The following STARD3 variants were observed in gnomAD, a reference collection of about 807,000 sequenced individuals.
STARD3 encodes the protein StAR related lipid transfer domain containing 3.
In STARD3, 39 loss-of-function variants were observed where a neutral mutation model predicts 62.0. That is an observed-to-expected ratio of 0.63 (90% CI 0.49 to 0.82). The LOEUF (loss-of-function observed/expected upper bound fraction) is 0.82. Among genes scored for constraint, STARD3 ranks in the 40% least tolerant of loss-of-function variants. The pLI, the probability that STARD3 is intolerant of heterozygous loss-of-function variation, is 0.00. For missense variants in STARD3, 543 were observed against 584.5 expected (o/e 0.93, Z 0.73); for synonymous variants, 229 against 242.4 (o/e 0.94, Z 0.51).
rs748542443 is a variant in STARD3 at position 39,662,849 on chromosome 17, A to T, written c.1279A>T (p.Met427Leu). The T allele has an allele frequency of 6.2e-7, 1 of 1,612,330 alleles. No homozygotes were observed. The highest frequency in any genetic ancestry group is 1.3e-5 in the African/African-American group (1 of 74,916). The stretch of plus-strand genomic sequence containing the variant: ...CATCCACCAGAGCCTCGCGGCCACC[A>T]TGTTTGAATTTGCCTTTCACCTGCG... ...YLIHQSLAAT[M>L]FEFAFHLRQR... The change falls in exon 15 of 15, where the codon ATG (methionine) becomes TTG (leucine). Residue 427 changes from methionine to leucine, a missense_variant. Transcript: ENST00000336308.
chr17:39,648,052 G>A (rs2057042888), intron 1 of STARD3, among the ~76,000 whole-genome samples: 1 of 152,198 alleles, frequency 6.6e-6, no homozygotes, highest in South Asian at 2.1e-4. Context: ...TTGGGAGGCT[G>A]AGGCGGGCGG....
chr17:39,649,865 CAAAA>C (rs10713558), intron 1 of STARD3, among the ~76,000 whole-genome samples: 3 of 84,998 alleles, frequency 3.5e-5, no homozygotes, highest in African/African-American at 9.7e-5. Context: ...GACTCCGTCT[CAAAA>C]AAAAAAAAAA....
At chr17:39,645,188 C>T (rs1453767832) in intron 1 of STARD3, among the ~76,000 whole-genome samples, 1 of 152,126 alleles carries the variant, frequency 6.6e-6, no homozygotes, top group Non-Finnish European at 1.5e-5. Flanking sequence ...GAGATCAGCC[C>T]CTGCACTCCC....
chr17:39,648,535 G>A (rs2144941475), intron 1 of STARD3, among the ~76,000 whole-genome samples: 1 of 152,256 alleles, frequency 6.6e-6, no homozygotes, highest in South Asian at 2.1e-4. Flanking sequence ...GAGGCTTGGT[G>A]AGAAGGACTT....
intron 6 of STARD3, 59 bp from the exon 7 acceptor site, chr17:39,658,663 G>T: frequency 6.3e-7 from 1 of 1,595,550 alleles, no homozygotes; most frequent in Non-Finnish European, 8.6e-7. Context: ...TTGGGTGGGG[G>T]TACCCCAGGC....
At chr17:39,641,275 G>A (rs2056980755) in intron 1 of STARD3, among the ~76,000 whole-genome samples, 1 of 152,148 alleles carries the variant, frequency 6.6e-6, no homozygotes, top group African/African-American at 2.4e-5. Context: ...TGGACCTCAA[G>A]GGCTTAGGAC....
At position 39,653,763 on chromosome 17, in the gene STARD3, G is replaced by A. The variant is rs767069133; in HGVS notation, c.219+13G>A. 2.2e-5 allele frequency: 36 copies of A among 1,613,718 alleles called. No homozygotes were observed. Among genetic ancestry groups the A allele is most frequent in the Non-Finnish European group, 2.4e-5 (28 of 1,179,930 alleles). On this transcript the variant is annotated intron_variant, in intron 2 of 14. Transcript: ENST00000336308. Reference sequence around the variant, plus strand: ...CATCGAACTGAATGTGAGTGGGGGCGAGGTGGGGGCACAGGCCATGTTGCA... The same window carrying A: ...CATCGAACTGAATGTGAGTGGGGGCAAGGTGGGGGCACAGGCCATGTTGCA...
intron 2 of STARD3, among the ~76,000 whole-genome samples, chr17:39,656,159 GC>G (rs147747633): frequency 2.6e-5 from 4 of 152,060 alleles, no homozygotes; most frequent in Non-Finnish European, 5.9e-5. Flanking sequence ...TCTTTAACAA[GC>G]CCCCCCAGAT....
At chr17:39,661,129 C>A in intron 13 of STARD3, 44 bp downstream of exon 13, 1 of 1,582,620 alleles carries the variant, frequency 6.3e-7, no homozygotes, top group Non-Finnish European at 8.7e-7. Context: ...AGCCCCTCCC[C>A]TGGGAGCATT....
rs1207448443 is a variant in STARD3, at chr17:39,660,725, A to G, written c.955-85A>G. ...CCCAGGGCCTGCCTGTGGCAATAGC[A>G]GTTAGTAAAGGGGCCTGGGGTGTTC... On this transcript the variant is annotated intron_variant, in intron 11 of 14. Coordinates refer to ENST00000336308, the MANE Select transcript of STARD3 (RefSeq NM_006804.4). The surrounding 1 kb of genome is among the most constrained non-coding windows in gnomAD (Gnocchi z 4.8). The G allele has an allele frequency of 6.8e-7, 1 of 1,477,618 alleles. No individual in the cohort carries two copies. The highest frequency in any genetic ancestry group is 9.2e-7 in the Non-Finnish European group (1 of 1,087,668). The allele number at this position is 1,477,618 out of a possible 1,614,324, so 91.5% of individuals were successfully genotyped here.
At chr17:39,641,996 G>A (rs2056986434) in intron 1 of STARD3, among the ~76,000 whole-genome samples, 1 of 152,232 alleles carries the variant, frequency 6.6e-6, no homozygotes, top group South Asian at 2.1e-4. Flanking sequence ...GAAAGGTCAG[G>A]GGAGTCTGGA....
rs11556624 is a variant in STARD3, at chr17:39,659,051, G to C, written c.647G>C (p.Gly216Ala). 0.022 allele frequency: 35,338 copies of C among 1,614,152 alleles called. 504 individuals carry two copies. Among genetic ancestry groups the C allele is most frequent in the Non-Finnish European group, 0.026 (31,030 of 1,180,008 alleles). ...TGTCATCTGTGCCTGTTTTCTGCAG[G>C]GTCTGACAATGAATCAGATGAAGAA... ...QFYSPPESFA[G>A]SDNESDEEVA... The change falls in exon 8 of 15, where the codon GGG (glycine) becomes GCG (alanine). Residue 216 changes from glycine to alanine, a missense_variant and splice_region_variant. Physicochemically the swap from Gly to Ala is moderately conservative, Grantham distance 60 (BLOSUM62 0). Coordinates refer to ENST00000336308, the MANE Select transcript of STARD3 (RefSeq NM_006804.4).
At chr17:39,639,452 G>T (rs2056964042) in intron 1 of STARD3, among the ~76,000 whole-genome samples, 1 of 152,236 alleles carries the variant, frequency 6.6e-6, no homozygotes, top group Non-Finnish European at 1.5e-5. Flanking sequence ...CTTCTGAGGA[G>T]CTGACAGTTA....
At position 39,645,881 on chromosome 17, in the gene STARD3, C is replaced by CTTTTTTTTTTTT. The variant is rs71147368; in HGVS notation, c.-51-7583_-51-7572dup. Among the ~76,000 whole-genome samples the CTTTTTTTTTTTT allele has an allele frequency of 9.0e-5, 5 of 55,616 alleles. 2 individuals carry two copies. The highest frequency in any genetic ancestry group is 4.5e-4 in the African/African-American group (5 of 11,186). 36.5% of individuals were successfully genotyped at this position (55,616 alleles called of 152,430 possible). ...ATCCCTGTGACATAGGGATTCTTGCCTTTTTTTTTTTTTTTTTTTTTTTTT... is the reference window on the plus strand; with the variant it reads ...ATCCCTGTGACATAGGGATTCTTGCCTTTTTTTTTTTTTTTTTTTTTTTTTTTTTTTTTTTTT... On this transcript the variant is annotated intron_variant, in intron 1 of 14. Transcript: ENST00000336308.
intron 1 of STARD3, among the ~76,000 whole-genome samples, chr17:39,642,367 G>T (rs898553565): frequency 3.3e-5 from 5 of 152,232 alleles, no homozygotes; most frequent in Non-Finnish European, 7.3e-5. Flanking sequence ...CTTGTGGAGG[G>T]AGTGCCTGGG....
intron 5 of STARD3, 184 bp downstream of exon 5, chr17:39,658,210 C>T: frequency 2.4e-6 from 2 of 846,040 alleles, no homozygotes; most frequent in Non-Finnish European, 3.8e-6. Flanking sequence ...TAGCCCCTTG[C>T]AGCTCTAGGA....
rs530554934 is a variant in STARD3 at position 39,651,068 on chromosome 17, C to T, written c.-51-2413C>T. Reference sequence around the variant, plus strand: ...TTGCCAGCGGCCTGTCACATCCCCTCCCCATCGCCTGTTTCCAGAGCTGAG... The same window carrying T: ...TTGCCAGCGGCCTGTCACATCCCCTTCCCATCGCCTGTTTCCAGAGCTGAG... On this transcript the variant is annotated intron_variant, in intron 1 of 14. Transcript: ENST00000336308. 2.0e-5 allele frequency among the ~76,000 whole-genome samples: 3 copies of T among 152,356 alleles called. No individual in the cohort carries two copies. In the South Asian group the frequency reaches 6.2e-4, roughly 32 times the overall value.
chr17:39,659,799 G>A (rs1458233981), intron 9 of STARD3: 1 of 473,444 alleles, frequency 2.1e-6, no homozygotes, highest in Non-Finnish European at 3.7e-6. Context: ...CTTGGCTCCA[G>A]GCTTTGAAGG....
intron 1 of STARD3, among the ~76,000 whole-genome samples, chr17:39,649,955 T>C (rs2057062038): frequency 6.7e-6 from 1 of 150,240 alleles, no homozygotes; most frequent in African/African-American, 2.5e-5. Context: ...ACTAAAGCTG[T>C]AAGTTACTGC....
Sources: allele counts gnomAD v4.1 joint callset (sites outside exome capture counted in the v4.1 genomes callset), GRCh38; gene constraint gnomAD v4.1.1; non-coding constraint Gnocchi (gnomAD v3.1); transcripts MANE v1.5; gene names NCBI Gene and HGNC (gene_info 2026-07-23, HGNC 2026-07-21).